WWOX: variants seen among roughly 807,000 people sequenced by gnomAD.
WWOX encodes WW domain-containing oxidoreductase.
WWOX carries 69 observed loss-of-function variants against 46.2 expected under a neutral mutation model. That is an observed-to-expected ratio of 1.49 (90% CI 1.23 to 1.82). The LOEUF (loss-of-function observed/expected upper bound fraction) is 1.82. Among genes scored for constraint, WWOX ranks in the 40% most tolerant of loss-of-function variants. The pLI, the probability that WWOX is intolerant of heterozygous loss-of-function variation, is 0.00. For missense variants in WWOX, 919 were observed against 542.6 expected (o/e 1.69, Z -6.89); for synonymous variants, 359 against 202.6 (o/e 1.77, Z -6.56).
At chr16:78,384,058 G>C (rs1462671404) in intron 5 of WWOX, among the ~76,000 whole-genome samples, 1 of 152,158 alleles carries the variant, frequency 6.6e-6, no homozygotes, top group African/African-American at 2.4e-5. Context: ...CATTTTTGTT[G>C]AAATACTGCT....
chr16:79,022,452 A>G (rs1243644704), intron 8 of WWOX, among the ~76,000 whole-genome samples: 2 of 150,310 alleles, frequency 1.3e-5, no homozygotes, highest in African/African-American at 4.9e-5. Flanking sequence ...TCTACTTTAC[A>G]TTTTGTCTCT....
intron 8 of WWOX, among the ~76,000 whole-genome samples, chr16:78,491,624 G>A (rs758175850): frequency 1.3e-5 from 2 of 152,076 alleles, no homozygotes; most frequent in African/African-American, 4.8e-5. Flanking sequence ...TACCACACCT[G>A]GCTACCGTGT....
intron 8 of WWOX, among the ~76,000 whole-genome samples, chr16:78,687,354 G>A (rs2047887097): frequency 6.6e-6 from 1 of 152,214 alleles, no homozygotes; most frequent in African/African-American, 2.4e-5. Flanking sequence ...ATCGAAAGAA[G>A]AGAATCGAAA....
intron 8 of WWOX, among the ~76,000 whole-genome samples, chr16:78,771,864 TCA>T (rs1449616450): frequency 6.6e-6 from 1 of 151,872 alleles, no homozygotes; most frequent in Non-Finnish European, 1.5e-5. Context: ...TCTAGCTCTC[TCA>T]CAAAAAAAAA....
chr16:78,128,393 T>TC (rs1334198509), intron 4 of WWOX, among the ~76,000 whole-genome samples: 3 of 152,164 alleles, frequency 2.0e-5, no homozygotes, highest in Admixed American at 1.3e-4. Flanking sequence ...GAAACTTGAT[T>TC]CAATAAGAAG....
chr16:78,213,496 A>G (rs1344158203), intron 5 of WWOX, among the ~76,000 whole-genome samples: 1 of 151,782 alleles, frequency 6.6e-6, no homozygotes, highest in Non-Finnish European at 1.5e-5. Context: ...AGATCAGGAT[A>G]CTTATGAGCA....
At chr16:78,155,526 T>C (rs544607993) in intron 4 of WWOX, among the ~76,000 whole-genome samples, 2 of 152,360 alleles carry the variant, frequency 1.3e-5, no homozygotes, top group African/African-American at 2.4e-5. Flanking sequence ...ATTTTTCTGA[T>C]TGCATCTGAT....
chr16:78,589,297 T>C (rs531106460), intron 8 of WWOX, among the ~76,000 whole-genome samples: 1 of 152,328 alleles, frequency 6.6e-6, no homozygotes, highest in Admixed American at 6.5e-5. Context: ...GAAGAATATT[T>C]AGTCCATTCT....
At chr16:78,877,170 A>G (rs1250088209) in intron 8 of WWOX, among the ~76,000 whole-genome samples, 1 of 152,216 alleles carries the variant, frequency 6.6e-6, no homozygotes, top group East Asian at 1.9e-4. Context: ...GGAAACGAGA[A>G]AAGTTATTCC....
intron 5 of WWOX, among the ~76,000 whole-genome samples, chr16:78,365,755 G>GT (rs1226580379): frequency 2.6e-5 from 4 of 151,990 alleles, no homozygotes; most frequent in East Asian, 1.9e-4. Context: ...TTGTTCTTTT[G>GT]TTTTTTGTGT....
At chr16:79,056,683 C>T (rs575833067) in intron 8 of WWOX, among the ~76,000 whole-genome samples, 1 of 152,280 alleles carries the variant, frequency 6.6e-6, no homozygotes, top group Non-Finnish European at 1.5e-5. Flanking sequence ...ATTGCCAATC[C>T]CCCTCCATTA....
chr16:78,862,737 T>TAGAAA (rs2043918096), intron 8 of WWOX, among the ~76,000 whole-genome samples: 1 of 152,090 alleles, frequency 6.6e-6, no homozygotes, highest in Admixed American at 6.6e-5. Flanking sequence ...GGCAATTCTT[T>TAGAAA]CTCACTCAGC....
At chr16:78,647,385 C>T (rs970672396) in intron 8 of WWOX, among the ~76,000 whole-genome samples, 6 of 152,134 alleles carry the variant, frequency 3.9e-5, no homozygotes, top group East Asian at 1.9e-4. Flanking sequence ...GCTGCTGGTT[C>T]TCATTGCTTC....
At chr16:78,645,921 C>T (rs1332624847) in intron 8 of WWOX, among the ~76,000 whole-genome samples, 2 of 152,170 alleles carry the variant, frequency 1.3e-5, no homozygotes, top group African/African-American at 4.8e-5. Flanking sequence ...CTGGTGGCCA[C>T]ATCTTCCATC....
chr16:78,321,359 C>T (rs1359799104), intron 5 of WWOX, among the ~76,000 whole-genome samples: 58 of 37,912 alleles, frequency 1.5e-3, no homozygotes, highest in Admixed American at 7.1e-3. Flanking sequence ...CGTATATATG[C>T]GTATATATAT....
chr16:78,894,018 CTTTTAT>C (rs1456530052), intron 8 of WWOX, among the ~76,000 whole-genome samples: 2 of 33,722 alleles, frequency 5.9e-5, no homozygotes, highest in African/African-American at 1.6e-4. Flanking sequence ...TTTATTGAGG[CTTTTAT>C]TATTATTATT....
rs900076277 is a variant in WWOX, at chr16:78,386,955, G to T, written c.605+7G>T. On this transcript the variant is annotated splice_region_variant and intron_variant, in intron 6 of 8. Coordinates refer to ENST00000566780, the MANE Select transcript of WWOX (RefSeq NM_016373.4). ...CATTCAAGGCCAAGAATGTGTGAGT[G>T]TTCCAGTGGAGGGTTATAGATCATA... 1.9e-6 allele frequency: 3 copies of T among 1,612,910 alleles called. No homozygotes were observed. Among genetic ancestry groups the T allele is most frequent in the Non-Finnish European group, 2.5e-6 (3 of 1,178,894 alleles).
At chr16:78,671,384 C>T (rs2047459831) in intron 8 of WWOX, among the ~76,000 whole-genome samples, 1 of 152,170 alleles carries the variant, frequency 6.6e-6, no homozygotes, top group African/African-American at 2.4e-5. Flanking sequence ...GAGATTGTGC[C>T]ACTGCACTCC....
chr16:78,464,522 T>TC (rs2084027025), intron 8 of WWOX, among the ~76,000 whole-genome samples: 1 of 152,178 alleles, frequency 6.6e-6, no homozygotes, highest in South Asian at 2.1e-4. Flanking sequence ...CCATGTGCCA[T>TC]ATTTCCTTGA....
Sources: gnomAD v4.1 joint callset for allele counts (sites outside exome capture counted in the v4.1 genomes callset) on GRCh38, gnomAD v4.1.1 for gene constraint, MANE v1.5 for transcripts, NCBI Gene and HGNC (gene_info 2026-07-23, HGNC 2026-07-21) for gene names.